Variants in THSD7A observed in about 807,000 individuals in gnomAD.
THSD7A encodes the protein thrombospondin type 1 domain containing 7A.
In THSD7A, 96 loss-of-function variants were observed where a neutral mutation model predicts 231.3. That is an observed-to-expected ratio of 0.41 (90% CI 0.35 to 0.49). The LOEUF (loss-of-function observed/expected upper bound fraction) is 0.49, where lower values mean the gene tolerates loss of function less well. THSD7A is among the 20% of genes least tolerant of loss of function. THSD7A has a pLI of 0.05. For missense variants in THSD7A, 2,290 were observed against 2,070.2 expected, an observed-to-expected ratio of 1.11 and a Z score of -2.06; for synonymous variants, 940 against 743.3, an observed-to-expected ratio of 1.26 and a Z score of -4.30.
rs890852240 is a variant in THSD7A at position 11,377,490 on chromosome 7, T to C, written c.4802-833A>G. On this transcript the variant is annotated intron_variant, in intron 26 of 27. Transcript: ENST00000423059. This position sits in a 1 kb window ranked among gnomAD's most constrained non-coding sequence, Gnocchi z 4.5. ...TGTTAAAATTATAGATTGGGCAAAA[T>C]TGACCTCACACAGACTCTGGTTTAT... Among the ~76,000 whole-genome samples the C allele has an allele frequency of 6.6e-6, 1 of 152,136 alleles. No individual in the cohort carries two copies. The highest frequency in any genetic ancestry group is 2.4e-5 in the African/African-American group (1 of 41,464).
intron 1 of THSD7A, among the ~76,000 whole-genome samples, chr7:11,720,940 G>A (rs760081260): frequency 6.6e-5 from 10 of 151,638 alleles, no homozygotes; most frequent in Non-Finnish European, 1.3e-4. Context: ...TTAGGGCTCT[G>A]TTTAGTCCTC....
chr7:11,547,940 A>C (rs545867345), intron 4 of THSD7A, among the ~76,000 whole-genome samples: 2 of 152,284 alleles, frequency 1.3e-5, no homozygotes, highest in South Asian at 4.1e-4. Context: ...ATGAAATCAC[A>C]CTTAGAGGAA....
chr7:11,699,247 G>C (rs183967025), intron 1 of THSD7A, among the ~76,000 whole-genome samples: 5 of 151,064 alleles, frequency 3.3e-5, no homozygotes, highest in Admixed American at 6.6e-5. Context: ...CTATGACCCA[G>C]GGCCACAAAG....
At chr7:11,468,018 C>G (rs1331462090) in intron 9 of THSD7A, among the ~76,000 whole-genome samples, 1 of 151,770 alleles carries the variant, frequency 6.6e-6, no homozygotes, top group East Asian at 1.9e-4. Flanking sequence ...TACTTTAGAT[C>G]AAATCAACTT....
chr7:11,547,123 C>T (rs1457918233), intron 4 of THSD7A, among the ~76,000 whole-genome samples: 2 of 152,124 alleles, frequency 1.3e-5, no homozygotes, highest in Non-Finnish European at 2.9e-5. Context: ...TCATTACCAC[C>T]AGACCTGCCT....
chr7:11,481,743 A>G (rs376714956), intron 7 of THSD7A, 45 bp downstream of exon 7: 27 of 1,513,242 alleles, frequency 1.8e-5, no homozygotes, highest in Non-Finnish European at 2.4e-5. Flanking sequence ...GATGCACACT[A>G]ACTTTTGAAA....
intron 16 of THSD7A, among the ~76,000 whole-genome samples, chr7:11,419,952 G>C (rs1275149909): frequency 1.3e-5 from 2 of 152,214 alleles, no homozygotes; most frequent in Non-Finnish European, 2.9e-5. Flanking sequence ...TTTGGTGGAA[G>C]AAATTTCTAA....
chr7:11,508,714 G>C (rs1274568468), intron 6 of THSD7A, among the ~76,000 whole-genome samples: 1 of 152,172 alleles, frequency 6.6e-6, no homozygotes, highest in Non-Finnish European at 1.5e-5. Context: ...TTTATGAATG[G>C]ATAAAGAAAA....
intron 4 of THSD7A, among the ~76,000 whole-genome samples, chr7:11,571,363 A>G (rs1452026542): frequency 6.6e-6 from 1 of 152,162 alleles, no homozygotes; most frequent in East Asian, 1.9e-4. Flanking sequence ...AATTGTGGGC[A>G]TGTTTTCCCC....
intron 6 of THSD7A, among the ~76,000 whole-genome samples, chr7:11,501,049 G>T (rs1402184167): frequency 6.6e-6 from 1 of 151,350 alleles, no homozygotes; most frequent in Non-Finnish European, 1.5e-5. Flanking sequence ...TTATATAATG[G>T]TAAAGGTTTC....
At chr7:11,518,943 CAT>C (rs1472587123) in intron 6 of THSD7A, among the ~76,000 whole-genome samples, 1 of 152,134 alleles carries the variant, frequency 6.6e-6, no homozygotes, top group African/African-American at 2.4e-5. Flanking sequence ...GACTACCTGA[CAT>C]ATTTGTTTAC....
intron 17 of THSD7A, among the ~76,000 whole-genome samples, chr7:11,413,625 C>A (rs147862110): frequency 6.6e-6 from 1 of 152,272 alleles, no homozygotes; most frequent in African/African-American, 2.4e-5. Flanking sequence ...GTTTAAATAA[C>A]AGGCTTTTCC....
intron 26 of THSD7A, 61 bp from the exon 27 acceptor site, chr7:11,376,718 T>C: frequency 3.9e-6 from 5 of 1,275,354 alleles, no homozygotes; most frequent in Non-Finnish European, 5.5e-6. Flanking sequence ...AGGCAGTCTT[T>C]AACTATGACC....
chr7:11,698,997 C>G (rs1171674551), intron 1 of THSD7A, among the ~76,000 whole-genome samples: 3 of 143,678 alleles, frequency 2.1e-5, no homozygotes, highest in African/African-American at 7.8e-5. Context: ...TTTGCATTCA[C>G]AATGCCAAGG....
At chr7:11,405,322 G>C (rs1783546699) in intron 22 of THSD7A, among the ~76,000 whole-genome samples, 1 of 151,848 alleles carries the variant, frequency 6.6e-6, no homozygotes, top group South Asian at 2.1e-4. Flanking sequence ...TAGAAAATGT[G>C]TTTTATGCCC....
At chr7:11,688,805 G>C in intron 1 of THSD7A, among the ~76,000 whole-genome samples, 1 of 151,746 alleles carries the variant, frequency 6.6e-6, no homozygotes. Flanking sequence ...ATTTCATCAA[G>C]TTCACTACTC....
At chr7:11,667,965 G>C (rs6948106) in intron 1 of THSD7A, among the ~76,000 whole-genome samples, 2,610 of 152,262 alleles carry the variant, frequency 0.017, 79 homozygotes, top group African/African-American at 0.06. Context: ...AGAGGCTTTA[G>C]AGACCATTGA....
At chr7:11,469,625 C>T (rs1292269999) in intron 9 of THSD7A, among the ~76,000 whole-genome samples, 4 of 152,134 alleles carry the variant, frequency 2.6e-5, no homozygotes, top group Admixed American at 2.0e-4. Context: ...ACTATTAATA[C>T]AATAAGATTT....
rs139329084 is a variant in THSD7A at position 11,388,306 on chromosome 7, T to A, written c.4412-5690A>T. The stretch of plus-strand genomic sequence containing the variant: ...CTTCGTACCTCTGGTAGAATTTGAC[T>A]GTGAATCCATCTGGTCCTGGACTTT... On this transcript the variant is annotated intron_variant, in intron 23 of 27. Transcript: ENST00000423059. Among the ~76,000 whole-genome samples, 1,019 of 152,302 alleles carry A rather than the reference T, an allele frequency of 6.7e-3. 7 individuals are homozygous for A. The highest frequency in any genetic ancestry group is 0.026 in the South Asian group (125 of 4,820).
Sources: allele counts gnomAD v4.1 joint callset (sites outside exome capture counted in the v4.1 genomes callset), GRCh38; gene constraint gnomAD v4.1.1; non-coding constraint Gnocchi (gnomAD v3.1); transcripts MANE v1.5; gene names NCBI Gene and HGNC (gene_info 2026-07-23, HGNC 2026-07-21).